Variants in ZNF706 observed in about 807,000 individuals in gnomAD.
ZNF706 encodes the protein zinc finger protein 706, also known as transcriptional regulator ZNF706.
ZNF706 carries 4 observed loss-of-function variants against 9.2 expected under a neutral mutation model. That is an observed-to-expected ratio of 0.43 (90% CI 0.21 to 0.99). The LOEUF is 0.99. Among genes scored for constraint, ZNF706 ranks in the 50% least tolerant of loss-of-function variants. ZNF706 has a pLI of 0.26. For synonymous variants in ZNF706, 28 were observed against 27.3 expected (o/e 1.03, Z -0.08); for missense variants, 27 against 87.8 (o/e 0.31, Z 2.77).
chr8:101,202,764 T>C (rs1230078454), intron 1 of ZNF706: 2 of 152,186 alleles, frequency 1.3e-5, no homozygotes, highest in Non-Finnish European at 2.9e-5. Context: ...ACAAGTTTAC[T>C]AAAAAAGTTT....
chr8:101,202,844 C>T (rs978477864), intron 1 of ZNF706: 1 of 152,132 alleles, frequency 6.6e-6, no homozygotes, highest in African/African-American at 2.4e-5. Flanking sequence ...TTGTGACTTG[C>T]GATTGTGATT....
Position 101,201,852 on chromosome 8 carries a change from G to A in ZNF706, c.-2-109C>T. 8.5e-6 allele frequency: 10 copies of A among 1,179,710 alleles called. No individual in the cohort carries two copies. Among genetic ancestry groups the A allele is most frequent in the East Asian group, 5.1e-5 (2 of 39,372 alleles). 73.1% of individuals were successfully genotyped at this position (1,179,710 alleles called of 1,614,324 possible). ...AGCCTTAAGTTTTATAGAAATATCT[G>A]GCAAATAAAAATTTATAGGTATTAA... On this transcript the variant is annotated intron_variant, in intron 1 of 3. Transcript: ENST00000311212. This position sits in a 1 kb window ranked among gnomAD's most constrained non-coding sequence, Gnocchi z 4.5.
chr8:101,199,563 T>C (rs1810484743), intron 3 of ZNF706, among the ~76,000 whole-genome samples: 1 of 152,118 alleles, frequency 6.6e-6, no homozygotes, highest in South Asian at 2.1e-4. Flanking sequence ...ATTTTAATAC[T>C]CAGAAGCTTT....
rs910480994 is a variant in ZNF706, at chr8:101,204,665, G to C, written c.-3+770C>G. On this transcript the variant is annotated intron_variant, in intron 1 of 3. Transcript: ENST00000311212. ...AAATACCTACATGCTGGTTTTTAATGCAACTCTCAGTGTGGTTTTCCGAGG... is the reference window on the plus strand; with the variant it reads ...AAATACCTACATGCTGGTTTTTAATCCAACTCTCAGTGTGGTTTTCCGAGG... 4.1e-6 allele frequency: 4 copies of C among 985,340 alleles called. No homozygotes were observed. In the African/African-American group the frequency reaches 5.2e-5, roughly 13 times the overall value. 61.0% of individuals were successfully genotyped at this position (985,340 alleles called of 1,614,324 possible).
intron 3 of ZNF706, among the ~76,000 whole-genome samples, 157 bp downstream of exon 3, chr8:101,199,833 G>C (rs1810495209): frequency 6.6e-6 from 1 of 152,222 alleles, no homozygotes; most frequent in Non-Finnish European, 1.5e-5. Flanking sequence ...AAAGGAAATA[G>C]TCTGAGAAAA....
At chr8:101,204,255 T>G (rs1810670340) in intron 1 of ZNF706, 1 of 151,962 alleles carries the variant, frequency 6.6e-6, no homozygotes, top group Non-Finnish European at 1.5e-5. Context: ...ATTTTTAACT[T>G]TTGCACTTAG....
intron 1 of ZNF706, chr8:101,203,207 T>C (rs1394264130): frequency 1.3e-5 from 2 of 152,366 alleles, no homozygotes; most frequent in African/African-American, 4.8e-5. Context: ...AAAGTTACTT[T>C]TACTTTTCCA....
chr8:101,201,846 A>G lies in ZNF706; in HGVS notation c.-2-103T>C. 1.6e-6 allele frequency: 2 copies of G among 1,223,394 alleles called. No individual in the cohort carries two copies. The highest frequency in any genetic ancestry group is 2.3e-6 in the Non-Finnish European group (2 of 886,354). The allele number at this position is 1,223,394 out of a possible 1,614,324, so 75.8% of individuals were successfully genotyped here. ...AATTGAAGCCTTAAGTTTTATAGAA[A>G]TATCTGGCAAATAAAAATTTATAGG... is the stretch of plus-strand genomic sequence containing the variant. On this transcript the variant is annotated intron_variant, in intron 1 of 3. Transcript: ENST00000311212. The surrounding 1 kb of genome is among the most constrained non-coding windows in gnomAD (Gnocchi z 4.5).
At chr8:101,199,683 A>T (rs1810490279) in intron 3 of ZNF706, among the ~76,000 whole-genome samples, 1 of 152,190 alleles carries the variant, frequency 6.6e-6, no homozygotes, top group Non-Finnish European at 1.5e-5. Context: ...TTTTAGAGGG[A>T]AACTCTCAAA....
intron 1 of ZNF706, among the ~76,000 whole-genome samples, chr8:101,202,121 T>TTATA (rs1458639706): frequency 3.9e-5 from 6 of 152,038 alleles, no homozygotes; most frequent in African/African-American, 1.4e-4. Context: ...TTTATAGTAT[T>TTATA]TATACAACGG....
Position 101,201,591 on chromosome 8 carries a change from A to G in ZNF706, c.135+16T>C, listed in dbSNP as rs778140894. On this transcript the variant is annotated intron_variant, in intron 2 of 3. Transcript: ENST00000311212. This position sits in a 1 kb window ranked among gnomAD's most constrained non-coding sequence, Gnocchi z 4.5. ...GCCCACGGGAGAGCTGTATCTTTCA[A>G]TTCAATTCCCCTTACCCTACAGACA... 4.0e-5 allele frequency: 65 copies of G among 1,608,110 alleles called. No homozygotes were observed. The highest frequency in any genetic ancestry group is 2.7e-4 in the Admixed American group (16 of 59,294).
chr8:101,202,776 GC>G (rs895246754), intron 1 of ZNF706: 12 of 152,084 alleles, frequency 7.9e-5, no homozygotes, highest in African/African-American at 2.9e-4. Flanking sequence ...AAAAAGTTTA[GC>G]CCCCGCTATC....
At position 101,201,815 on chromosome 8, in the gene ZNF706, T is replaced by C; in HGVS notation, c.-2-72A>G. 3.4e-6 allele frequency: 5 copies of C among 1,487,220 alleles called. No homozygotes were observed. The highest frequency in any genetic ancestry group is 2.3e-5 in the East Asian group (1 of 43,362). 92.1% of individuals were successfully genotyped at this position (1,487,220 alleles called of 1,614,324 possible). A position where few individuals can be genotyped will look rare whatever the true frequency, so the allele number is the denominator to read the frequency against. ...CAGAGTAATCAAAGCATAAGAACGT[T>C]CTTAGAATTGAAGCCTTAAGTTTTA... On this transcript the variant is annotated intron_variant, in intron 1 of 3. Transcript: ENST00000311212. The surrounding 1 kb of genome is among the most constrained non-coding windows in gnomAD (Gnocchi z 4.5).
At position 101,198,527 on chromosome 8, in the gene ZNF706, A is replaced by T. The variant is rs1283866585; in HGVS notation, c.*725T>A. The T allele has an allele frequency of 6.6e-6, 1 of 152,232 alleles. No individual in the cohort carries two copies. The highest frequency in any genetic ancestry group is 2.4e-5 in the African/African-American group (1 of 41,452). 9.4% of individuals were successfully genotyped at this position (152,232 alleles called of 1,614,324 possible). On this transcript the variant is annotated 3_prime_UTR_variant, in exon 4 of 4. Coordinates refer to ENST00000311212, the MANE Select transcript of ZNF706 (RefSeq NM_016096.5). Reference sequence around the variant, plus strand: ...ATGATTATTTCATTACGGCATATACATTAGAACCTAACCTTTCACAAGGGC... The same window carrying T: ...ATGATTATTTCATTACGGCATATACTTTAGAACCTAACCTTTCACAAGGGC...
At chr8:101,200,748 T>G (rs1390094483) in intron 2 of ZNF706, 3 of 153,336 alleles carry the variant, frequency 2.0e-5, no homozygotes, top group Non-Finnish European at 4.4e-5. Flanking sequence ...TTATTTTGAG[T>G]GTATATGTAG....
At chr8:101,200,236 TATG>T in intron 2 of ZNF706, 139 bp from the exon 3 acceptor site, 1 of 622,208 alleles carries the variant, frequency 1.6e-6, no homozygotes, top group African/African-American at 1.8e-5. Context: ...GTGACTGGCA[TATG>T]AAGAGGGACT....
At chr8:101,204,502 C>T (rs1048085865) in intron 1 of ZNF706, 7 of 493,646 alleles carry the variant, frequency 1.4e-5, no homozygotes, top group Non-Finnish European at 1.8e-5. Flanking sequence ...AGCAGAAATT[C>T]AAACGAACCA....
At chr8:101,199,966 C>T in intron 3 of ZNF706, 24 bp downstream of exon 3, 4 of 1,534,584 alleles carry the variant, frequency 2.6e-6, no homozygotes, top group African/African-American at 1.4e-5. Context: ...TATTAACAAA[C>T]CAATAGAAAA....
intron 1 of ZNF706, chr8:101,203,188 T>C (rs1365689719): frequency 6.6e-6 from 1 of 152,116 alleles, no homozygotes; most frequent in Non-Finnish European, 1.5e-5. Flanking sequence ...AAAAATCAAG[T>C]CACTGAAAAA....
Sources: allele counts gnomAD v4.1 joint callset (sites outside exome capture counted in the v4.1 genomes callset), GRCh38; gene constraint gnomAD v4.1.1; non-coding constraint Gnocchi (gnomAD v3.1); transcripts MANE v1.5; gene names NCBI Gene and HGNC (gene_info 2026-07-23, HGNC 2026-07-21).